Variants in CES4A observed in about 807,000 individuals in gnomAD.
CES4A encodes the protein carboxylesterase 4A.
CES4A carries 48 observed loss-of-function variants against 65.4 expected under a neutral mutation model. The ratio of observed to expected loss-of-function variants is 0.73; its 90% CI spans 0.58 to 0.93. The LOEUF is 0.93. CES4A is among the 40% of genes least tolerant of loss of function. The probability of loss-of-function intolerance (pLI) is 0.00; values close to 1 mark genes in which losing one functional copy is unlikely to be tolerated. For synonymous variants in CES4A, 247 were observed against 281.8 expected, an observed-to-expected ratio of 0.88 and a Z score of 1.24; for missense variants, 685 against 728.5, an observed-to-expected ratio of 0.94 and a Z score of 0.69.
chr16:67,001,258 G>A lies in CES4A; in HGVS notation c.537-50G>A. On this transcript the variant is annotated intron_variant, in intron 4 of 13. Coordinates refer to ENST00000648724, the Ensembl canonical transcript of CES4A. This position sits in a 1 kb window ranked among gnomAD's most constrained non-coding sequence, Gnocchi z 4.1. Reference sequence around the variant, plus strand: ...GAAGCCCAGGAGGGCAGCCCAACGCGCCCCGACTGTCGAGGCCCGGGACCC... The same window carrying A: ...GAAGCCCAGGAGGGCAGCCCAACGCACCCCGACTGTCGAGGCCCGGGACCC... 6.5e-7 allele frequency: 1 copy of A among 1,530,124 alleles called. No individual in the cohort carries two copies. The highest frequency in any genetic ancestry group is 8.8e-7 in the Non-Finnish European group (1 of 1,141,814). 94.8% of individuals were successfully genotyped at this position (1,530,124 alleles called of 1,614,324 possible).
chr16:66,992,856 G>T (rs992849929), intron 1 of CES4A, among the ~76,000 whole-genome samples: 17 of 151,050 alleles, frequency 1.1e-4, no homozygotes, highest in South Asian at 2.1e-4. Context: ...ATTATTATTG[G>T]TTTTTTTTTA....
At chr16:67,008,252 A>G (rs1965923666) in intron 13 of CES4A, 1 of 152,116 alleles carries the variant, frequency 6.6e-6, no homozygotes, top group South Asian at 2.1e-4. Context: ...CATCTGACCA[A>G]GTCACTCTCC....
chr16:67,002,196 G>A (rs1005727289), intron 5 of CES4A, among the ~76,000 whole-genome samples: 13 of 151,896 alleles, frequency 8.6e-5, no homozygotes, highest in African/African-American at 2.9e-4. Flanking sequence ...ACGGAGTTTC[G>A]CTCTTGTTGC....
rs992066617 is a variant in CES4A at position 67,004,862 on chromosome 16, C to T, written c.1150C>T (p.Arg384Cys). 9.1e-6 allele frequency: 14 copies of T among 1,535,812 alleles called. No homozygotes were observed. The African/African-American group carries it at 1.2e-4, about 14-fold the overall frequency. Residue 384 changes from arginine to cysteine, a missense_variant, in exon 10 of 14, where the codon CGC becomes TGC. Transcript: ENST00000648724. Reference sequence around the variant, plus strand: ...CATCACTAAGATGCTCTGGAGTACCCGCACCCTGTTGGTGAGGGACCCAGC... The same window carrying T: ...CATCACTAAGATGCTCTGGAGTACCTGCACCCTGTTGGTGAGGGACCCAGC...
chr16:67,000,563 G>C lies in CES4A; in HGVS notation c.261-75G>C. The C allele has an allele frequency of 6.7e-7, 1 of 1,492,818 alleles. No homozygotes were observed. Among genetic ancestry groups the C allele is most frequent in the Non-Finnish European group, 9.0e-7 (1 of 1,115,546 alleles). 92.5% of individuals were successfully genotyped at this position (1,492,818 alleles called of 1,614,324 possible). ...CAGACGCTGCCTGGATTTTGCTTTGGGTTCCGTCTTCTCACTGCGGACCCT... is the reference window on the plus strand; with the variant it reads ...CAGACGCTGCCTGGATTTTGCTTTGCGTTCCGTCTTCTCACTGCGGACCCT... On this transcript the variant is annotated intron_variant, in intron 2 of 13. Transcript: ENST00000648724. This position sits in a 1 kb window ranked among gnomAD's most constrained non-coding sequence, Gnocchi z 4.2.
chr16:66,995,863 C>G (rs747273397), intron 2 of CES4A, 34 bp downstream of exon 2: 1 of 1,581,202 alleles, frequency 6.3e-7, no homozygotes, highest in South Asian at 1.1e-5. Context: ...TGGGAGGGGG[C>G]AATGGGCCTA....
At chr16:67,007,505 A>G (rs1193526382) in intron 13 of CES4A, 1 of 152,074 alleles carries the variant, frequency 6.6e-6, no homozygotes, top group Non-Finnish European at 1.5e-5. Context: ...ACCTCAAGCT[A>G]TCCACCCACC....
chr16:67,005,177 G>T, intron 10 of CES4A, 63 bp from the exon 11 acceptor site: 1 of 1,555,436 alleles, frequency 6.4e-7, no homozygotes, highest in Non-Finnish European at 8.9e-7. Context: ...CCAAGTCACT[G>T]GTGGGCCCAC....
At chr16:66,988,869 C>A in intron 1 of CES4A, 39 bp downstream of exon 1, 1 of 1,540,100 alleles carries the variant, frequency 6.5e-7, no homozygotes. Flanking sequence ...TCAGGCAAGA[C>A]GGGCACAAGG....
In CES4A at chr16:67,008,675, C is replaced by T. The variant is rs1311922244; in HGVS notation, c.1518-299C>T. The T allele has an allele frequency of 4.4e-5, 12 of 269,930 alleles. No homozygotes were observed. The East Asian group carries it at 1.0e-3, about 23-fold the overall frequency. The allele number at this position is 269,930 out of a possible 1,614,324, so 16.7% of individuals were successfully genotyped here. A position where few individuals can be genotyped will look rare whatever the true frequency, so the allele number is the denominator to read the frequency against. On this transcript the variant is annotated intron_variant, in intron 13 of 13. Transcript: ENST00000648724. ...TCAGCCTCCCAAAGTGCTGGGATTA[C>T]AGGCATGAGCCACCAGGCCTGGCCA...
At chr16:67,004,044 T>C in intron 8 of CES4A, 40 bp from the exon 9 acceptor site, 7 of 1,611,196 alleles carry the variant, frequency 4.3e-6, no homozygotes, top group Non-Finnish European at 5.9e-6. Context: ...CCTGGGAGGA[T>C]ACTTGAGGAG....
Position 67,000,166 on chromosome 16 carries a change from C to T in CES4A, c.261-472C>T, listed in dbSNP as rs1053158323. Among the ~76,000 whole-genome samples, 5 of 152,036 alleles carry T rather than the reference C, an allele frequency of 3.3e-5. No homozygotes were observed. The highest frequency in any genetic ancestry group is 2.1e-4 in the South Asian group (1 of 4,804). ...TATGAAGAAGAGGAGTGACATAGTC[C>T]GCCAGAGTGTGGCCGAGGAGTAGGA... On this transcript the variant is annotated intron_variant, in intron 2 of 13. Transcript: ENST00000648724. This position sits in a 1 kb window ranked among gnomAD's most constrained non-coding sequence, Gnocchi z 4.2.
At chr16:67,008,787 G>A in intron 13 of CES4A, 187 bp from the exon 14 acceptor site, 1 of 618,390 alleles carries the variant, frequency 1.6e-6, no homozygotes, top group East Asian at 2.7e-5. Context: ...GGCACATACT[G>A]TTTGCTCTGC....
At position 67,003,276 on chromosome 16, in the gene CES4A, A is replaced by G; in HGVS notation, c.816A>G (p.Gly272=). 1 of 1,614,170 alleles carries G rather than the reference A, an allele frequency of 6.2e-7. No individual in the cohort carries two copies. The highest frequency in any genetic ancestry group is 8.5e-7 in the Non-Finnish European group (1 of 1,180,008). Residue 272 remains glycine (G), a synonymous_variant, in exon 7 of 14, where the codon GGA becomes GGG. Coordinates refer to ENST00000648724, the Ensembl canonical transcript of CES4A. This position sits in a 1 kb window ranked among gnomAD's most constrained non-coding sequence, Gnocchi z 4.2. ...TATAGAAGGTTGCCCACCTGGCTGG[A>G]TGCAACCACAACAGCACACAGATCC...
intron 12 of CES4A, 57 bp downstream of exon 12, chr16:67,006,576 C>A: frequency 6.4e-7 from 1 of 1,560,590 alleles, no homozygotes; most frequent in African/African-American, 1.4e-5. Context: ...CCTCTGGATG[C>A]AGACCCACCC....
At chr16:66,989,266 A>C (rs1597036841) in intron 1 of CES4A, among the ~76,000 whole-genome samples, 1 of 152,130 alleles carries the variant, frequency 6.6e-6, no homozygotes, top group East Asian at 1.9e-4. Flanking sequence ...AAAACAATCT[A>C]ATACATTAAC....
At chr16:67,005,774 G>A (rs538702669) in intron 11 of CES4A, 5 of 184,176 alleles carry the variant, frequency 2.7e-5, no homozygotes, top group Middle Eastern at 2.4e-3. Flanking sequence ...GCTTGAACCT[G>A]GGAGGGGGAG....
chr16:66,998,443 A>T (rs1449564797), intron 2 of CES4A, among the ~76,000 whole-genome samples: 1 of 152,176 alleles, frequency 6.6e-6, no homozygotes, highest in Non-Finnish European at 1.5e-5. Flanking sequence ...ATTAAAAATT[A>T]TCCGGTGTGA....
rs1032756304 is a variant in CES4A at position 67,005,299 on chromosome 16, G to A, written c.1221G>A (p.Glu407=). ...AGGAGTACCTGGACAATGTCAATGA[G>A]CATGACTGGAAGATGCTACGAAACC... The change falls in exon 11 of 14, where the codon GAG becomes GAA. Residue 407 remains glutamate, a synonymous_variant. Coordinates refer to ENST00000648724, the Ensembl canonical transcript of CES4A. 3 of 1,614,106 alleles carry A rather than the reference G, an allele frequency of 1.9e-6. No individual in the cohort carries two copies. In the African/African-American group the frequency reaches 4.0e-5, roughly 22 times the overall value.
Sources: allele counts gnomAD v4.1 joint callset (sites outside exome capture counted in the v4.1 genomes callset), GRCh38; gene constraint gnomAD v4.1.1; non-coding constraint Gnocchi (gnomAD v3.1); transcripts MANE v1.5; gene names NCBI Gene and HGNC (gene_info 2026-07-23, HGNC 2026-07-21).